Variants in SRPRA observed in about 807,000 individuals in gnomAD.
SRPRA encodes the protein SRP receptor subunit alpha, also known as signal recognition particle receptor subunit alpha.
In SRPRA, 30 loss-of-function variants were observed where a neutral mutation model predicts 61.1. The ratio of observed to expected loss-of-function variants is 0.49; its 90% confidence interval spans 0.37 to 0.67. The LOEUF (loss-of-function observed/expected upper bound fraction) is 0.67, where lower values mean the gene tolerates loss of function less well. Ranked by LOEUF, SRPRA falls within the 30% of genes least tolerant of loss-of-function variation. The pLI, the probability that SRPRA is intolerant of heterozygous loss-of-function variation, is 0.00. For synonymous variants in SRPRA, 324 were observed against 299.7 expected (o/e 1.08, Z -0.84); for missense variants, 759 against 828.4 (o/e 0.92, Z 1.03).
rs1473927388 is a variant in SRPRA at position 126,268,856 on chromosome 11, C to G, written c.-52G>C. ...CGGCGCCGGGAATTCAGGCCGCGTT[C>G]GCCGCCGCTTCCTGCTGCGCCAAGC... On this transcript the variant is annotated 5_prime_UTR_variant, in exon 1 of 14. Coordinates refer to ENST00000332118, the MANE Select transcript of SRPRA (RefSeq NM_003139.4). 1.4e-6 allele frequency: 2 copies of G among 1,459,026 alleles called. No homozygotes were observed. Among genetic ancestry groups the G allele is most frequent in the East Asian group, 2.3e-5 (1 of 44,002 alleles). The allele number at this position is 1,459,026 out of a possible 1,614,324, so 90.4% of individuals were successfully genotyped here.
chr11:126,265,529 A>T lies in SRPRA; in HGVS notation c.1139-89T>A. On this transcript the variant is annotated intron_variant, in intron 9 of 13. Coordinates refer to ENST00000332118, the MANE Select transcript of SRPRA (RefSeq NM_003139.4). This position sits in a 1 kb window ranked among gnomAD's most constrained non-coding sequence, Gnocchi z 6.3. ...ACACCTTTCTGAGCTAAGGGGACTA[A>T]AACAGTAAATTAGACTCTTGTCCCA... 1 of 1,442,732 alleles carries T rather than the reference A, an allele frequency of 6.9e-7. No individual in the cohort carries two copies. The highest frequency in any genetic ancestry group is 9.4e-7 in the Non-Finnish European group (1 of 1,063,930). The allele number at this position is 1,442,732 out of a possible 1,614,324, so 89.4% of individuals were successfully genotyped here. A position where few individuals can be genotyped will look rare whatever the true frequency, so the allele number is the denominator to read the frequency against.
At chr11:126,247,773 G>T in the SRPRA span, among the ~76,000 whole-genome samples, 1 of 144,866 alleles carries the variant, frequency 6.9e-6, no homozygotes, top group Admixed American at 6.9e-5. Context: ...CAGGGGAATT[G>T]CTTGAACCCA....
At chr11:126,252,852 T>C in the SRPRA span, among the ~76,000 whole-genome samples, 167 of 152,252 alleles carry the variant, frequency 1.1e-3, no homozygotes, top group Admixed American at 1.8e-3. The surrounding 1 kb of genome is among the most constrained non-coding windows in gnomAD (Gnocchi z 4.7). Flanking sequence ...CTGTCCAACA[T>C]GGTGAAACCC....
At position 126,265,877 on chromosome 11, in the gene SRPRA, A is replaced by G; in HGVS notation, c.1052-54T>C. 1 of 1,612,268 alleles carries G rather than the reference A, an allele frequency of 6.2e-7. No individual in the cohort carries two copies. The highest frequency in any genetic ancestry group is 8.5e-7 in the Non-Finnish European group (1 of 1,178,302). On this transcript the variant is annotated intron_variant, in intron 8 of 13. Coordinates refer to ENST00000332118, the MANE Select transcript of SRPRA (RefSeq NM_003139.4). The surrounding 1 kb of genome is among the most constrained non-coding windows in gnomAD (Gnocchi z 6.3). ...TCCATGTCAGCAATGACCAATCTTT[A>G]TGGTACAGGTGAGAAACGCTAGGTG... is the stretch of plus-strand genomic sequence containing the variant.
Position 126,266,559 on chromosome 11 carries a change from A to G in SRPRA, c.757T>C (p.Cys253Arg). 2 of 1,614,170 alleles carry G rather than the reference A, an allele frequency of 1.2e-6. No individual in the cohort carries two copies. Among genetic ancestry groups the G allele is most frequent in the South Asian group, 2.2e-5 (2 of 91,078 alleles). The change falls in exon 6 of 14, where the codon TGT becomes CGT. Residue 253 changes from cysteine (C) to arginine (R), a missense_variant. Transcript: ENST00000332118. ...KAPRVWELGG[C>R]ANKEVLDYST... is the part of the protein sequence containing the mutation. ...TAATCCAACACTTCTTTGTTAGCAC[A>G]GCCACCCAGTTCCCACACCCGGGGT...
chr11:126,239,442 T>C, the SRPRA span, among the ~76,000 whole-genome samples: 1 of 152,224 alleles, frequency 6.6e-6, no homozygotes, highest in East Asian at 1.9e-4. Flanking sequence ...TATTTGTTTA[T>C]GTGGATTTGT....
chr11:126,261,505 C>T, downstream of SRPRA: 1 of 1,590,678 alleles, frequency 6.3e-7, no homozygotes, highest in Non-Finnish European at 8.6e-7. Flanking sequence ...TCCTATTCTA[C>T]TATTTATCAC....
the SRPRA span, chr11:126,256,432 G>A: frequency 5.8e-6 from 4 of 694,752 alleles, no homozygotes; most frequent in Non-Finnish European, 9.6e-6. This position sits in a 1 kb window ranked among gnomAD's most constrained non-coding sequence, Gnocchi z 6.6. Context: ...CACACTCCTT[G>A]ATGGGACATA....
chr11:126,263,287 C>A lies in SRPRA; in HGVS notation c.*629G>T, dbSNP rs17656. ...CCCAATGCAACGCTGCAGCTGAGCT[C>A]CTTTTATTTCTGAGGGAAGCAAGGA... On this transcript the variant is annotated 3_prime_UTR_variant, in exon 14 of 14. Coordinates refer to ENST00000332118, the MANE Select transcript of SRPRA (RefSeq NM_003139.4). The A allele has an allele frequency of 0.19, 28,305 of 152,490 alleles. 2,958 individuals are homozygous for A. Among genetic ancestry groups the A allele is most frequent in the Non-Finnish European group, 0.25 (16,967 of 68,034 alleles). 9.4% of individuals were successfully genotyped at this position (152,490 alleles called of 1,614,324 possible).
At chr11:126,238,829 C>T in the SRPRA span, among the ~76,000 whole-genome samples, 1 of 151,826 alleles carries the variant, frequency 6.6e-6, no homozygotes, top group East Asian at 1.9e-4. Context: ...GCCCTTTGAC[C>T]TCTGTTGTCT....
the SRPRA span, chr11:126,254,454 T>C: frequency 1.7e-5 from 27 of 1,613,076 alleles, no homozygotes; most frequent in Admixed American, 4.4e-4. Flanking sequence ...CTGATCTTGC[T>C]GGTCTCAGGA....
the SRPRA span, among the ~76,000 whole-genome samples, chr11:126,239,355 G>GTCC: frequency 6.6e-6 from 1 of 152,122 alleles, no homozygotes; most frequent in South Asian, 2.1e-4. Flanking sequence ...AAAGTAAAAA[G>GTCC]TCCTTATTCT....
rs1201038586 is a variant in SRPRA, at chr11:126,266,585, G to A, written c.731C>T (p.Ala244Val). Residue 244 changes from alanine to valine, a missense_variant, in exon 6 of 14, where the codon GCA (alanine) becomes GTA (valine). Ala to Val is a moderately conservative substitution (Grantham distance 64, BLOSUM62 0). Transcript: ENST00000332118. Reference protein sequence around the residue: ...SDAPKEKGKKAPRVWELGGCA... With the variant: ...SDAPKEKGKKVPRVWELGGCA... The stretch of plus-strand genomic sequence containing the variant: ...GCCACCCAGTTCCCACACCCGGGGT[G>A]CTTTTTTGCCCTTCTCCTTTGGAGC... The A allele has an allele frequency of 1.2e-6, 2 of 1,614,186 alleles. No individual in the cohort carries two copies. Among genetic ancestry groups the A allele is most frequent in the Non-Finnish European group, 8.5e-7 (1 of 1,180,026 alleles).
In SRPRA at chr11:126,265,712, C is replaced by G. The variant is rs1458629868; in HGVS notation, c.1138+25G>C. ...TATGCACTTAACCTACACATAAGCA[C>G]TTTCTCACTTAGGTAAGTACTTACT... On this transcript the variant is annotated intron_variant, in intron 9 of 13. Coordinates refer to ENST00000332118, the MANE Select transcript of SRPRA (RefSeq NM_003139.4). This position sits in a 1 kb window ranked among gnomAD's most constrained non-coding sequence, Gnocchi z 6.3. The G allele has an allele frequency of 6.2e-7, 1 of 1,613,116 alleles. No homozygotes were observed. The highest frequency in any genetic ancestry group is 1.1e-5 in the South Asian group (1 of 91,014).
Position 126,268,865 on chromosome 11 carries a change from TTCC to T in SRPRA, c.-64_-62del. The T allele has an allele frequency of 7.2e-7, 1 of 1,392,960 alleles. No homozygotes were observed. The highest frequency in any genetic ancestry group is 1.0e-6 in the Non-Finnish European group (1 of 983,780). 86.3% of individuals were successfully genotyped at this position (1,392,960 alleles called of 1,614,324 possible). Reference sequence around the variant, plus strand: ...GAATTCAGGCCGCGTTCGCCGCCGCTTCCTGCTGCGCCAAGCGCGGGACACGTC... The same window carrying T: ...GAATTCAGGCCGCGTTCGCCGCCGCTTGCTGCGCCAAGCGCGGGACACGTC... On this transcript the variant is annotated 5_prime_UTR_variant, in exon 1 of 14. Coordinates refer to ENST00000332118, the MANE Select transcript of SRPRA (RefSeq NM_003139.4).
At chr11:126,259,424 ACTT>A (rs1168247257), downstream of SRPRA, among the ~76,000 whole-genome samples, 1 of 140,458 alleles carries the variant, frequency 7.1e-6, no homozygotes, top group African/African-American at 2.5e-5. Flanking sequence ...TCGTTGTGGT[ACTT>A]TTTTTTTTTT....
chr11:126,254,459 T>C, the SRPRA span: 4 of 1,611,792 alleles, frequency 2.5e-6, no homozygotes, highest in Non-Finnish European at 3.4e-6. Context: ...CTTGCTGGTC[T>C]CAGGAACTCC....
Position 126,264,727 on chromosome 11 carries a change from A to G in SRPRA, c.1526-188T>C. 1 of 791,470 alleles carries G rather than the reference A, an allele frequency of 1.3e-6. No homozygotes were observed. The highest frequency in any genetic ancestry group is 1.9e-5 in the South Asian group (1 of 53,406). 49.0% of individuals were successfully genotyped at this position (791,470 alleles called of 1,614,324 possible). ...ACCAAACATATTCAGGAAAAGGAGGACAACAGGATGAAGGTGACCAAATTC... is the reference window on the plus strand; with the variant it reads ...ACCAAACATATTCAGGAAAAGGAGGGCAACAGGATGAAGGTGACCAAATTC... On this transcript the variant is annotated intron_variant, in intron 11 of 13. Coordinates refer to ENST00000332118, the MANE Select transcript of SRPRA (RefSeq NM_003139.4). This position sits in a 1 kb window ranked among gnomAD's most constrained non-coding sequence, Gnocchi z 5.0.
At chr11:126,254,211 A>T in the SRPRA span, 3 of 1,431,850 alleles carry the variant, frequency 2.1e-6, no homozygotes, top group Non-Finnish European at 2.8e-6. Flanking sequence ...TTTATGTCAG[A>T]AGTCTAGTCC....
Sources: gnomAD v4.1 joint callset for allele counts (sites outside exome capture counted in the v4.1 genomes callset) on GRCh38, gnomAD v4.1.1 for gene constraint, Gnocchi (gnomAD v3.1) non-coding constraint, MANE v1.5 for transcripts, NCBI Gene and HGNC (gene_info 2026-07-23, HGNC 2026-07-21) for gene names.